VMP1: variants seen among roughly 807,000 people sequenced by gnomAD.
VMP1 encodes the protein ectopic P-granules autophagy protein 3 homolog.
In VMP1, 11 loss-of-function variants were observed where a neutral mutation model predicts 56.0. The observed-to-expected ratio is 0.20, with a 90% CI of 0.12 to 0.32. VMP1 has a LOEUF of 0.32. VMP1 is among the 10% of genes least tolerant of loss of function. The pLI is 1.00. For missense variants in VMP1, 296 were observed against 490.3 expected, an observed-to-expected ratio of 0.60 and a Z score of 3.74; for synonymous variants, 149 against 165.0, an observed-to-expected ratio of 0.90 and a Z score of 0.74.
intron 10 of VMP1, among the ~76,000 whole-genome samples, chr17:59,819,157 T>C (rs2038351775): frequency 6.6e-6 from 1 of 152,076 alleles, no homozygotes; most frequent in Admixed American, 6.5e-5. Flanking sequence ...TCAGTGTGGA[T>C]TATAACTTGT....
At chr17:59,779,365 C>CCTGG (rs2036740217) in intron 7 of VMP1, among the ~76,000 whole-genome samples, 1 of 152,212 alleles carries the variant, frequency 6.6e-6, no homozygotes, top group Non-Finnish European at 1.5e-5. Context: ...GAGAGACTTG[C>CCTGG]CTGGCTGTGC....
At chr17:59,801,091 A>AAAATATAT (rs1307645697) in intron 7 of VMP1, among the ~76,000 whole-genome samples, 7 of 109,326 alleles carry the variant, frequency 6.4e-5, no homozygotes, top group South Asian at 5.9e-4. Flanking sequence ...AAAAAAAAAA[A>AAAATATAT]ATATATATAT....
intron 2 of VMP1, 37 bp from the exon 3 acceptor site, chr17:59,735,301 G>C (rs760880623): frequency 6.2e-7 from 1 of 1,601,392 alleles, no homozygotes; most frequent in East Asian, 2.2e-5. Context: ...ATAAATGTTA[G>C]AAATTCTGTT....
chr17:59,735,449 T>A lies in VMP1; in HGVS notation c.188T>A (p.Val63Glu). 1 of 1,614,170 alleles carries A rather than the reference T, an allele frequency of 6.2e-7. No homozygotes were observed. Among genetic ancestry groups the A allele is most frequent in the Non-Finnish European group, 8.5e-7 (1 of 1,180,006 alleles). The stretch of plus-strand genomic sequence containing the variant: ...CAGTATTTTTCTCTGGAAATCCTTG[T>A]AATCTTGAAGGAATGGACCTCAAAG... ...TLQYFSLEIL[V>E]ILKEWTSKLW... The change falls in exon 3 of 12, where the codon GTA becomes GAA. Residue 63 changes from valine to glutamate, a missense_variant. By Grantham distance (121) the Val-to-Glu change is moderately radical. This residue lies in a region of VMP1 where 69 missense variants were observed against 76.6 expected (regional missense o/e 0.90). Transcript: ENST00000262291.
intron 6 of VMP1, 32 bp from the exon 7 acceptor site, chr17:59,773,722 C>T (rs775352306): frequency 6.4e-7 from 1 of 1,561,466 alleles, no homozygotes; most frequent in Non-Finnish European, 8.7e-7. Flanking sequence ...GATAACAGAA[C>T]CTCATTGTAA....
chr17:59,772,950 CTTT>C (rs1179269248), intron 6 of VMP1, among the ~76,000 whole-genome samples: 98 of 55,672 alleles, frequency 1.8e-3, no homozygotes, highest in Non-Finnish European at 2.3e-3. Flanking sequence ...CTGGTGAATT[CTTT>C]TTTTTTTTTT....
chr17:59,813,460 C>T (rs1023722003), intron 9 of VMP1, among the ~76,000 whole-genome samples: 1 of 151,876 alleles, frequency 6.6e-6, no homozygotes, highest in Non-Finnish European at 1.5e-5. Flanking sequence ...GCCTGTAATC[C>T]CAGCTACTCA....
At chr17:59,724,564 T>G (rs925508257) in intron 1 of VMP1, among the ~76,000 whole-genome samples, 8 of 151,874 alleles carry the variant, frequency 5.3e-5, no homozygotes, top group African/African-American at 1.9e-4. Context: ...CCCAGCTACT[T>G]GGGAGGCTGA....
chr17:59,733,273 C>T (rs2034902128), intron 2 of VMP1, among the ~76,000 whole-genome samples: 1 of 152,026 alleles, frequency 6.6e-6, no homozygotes, highest in Non-Finnish European at 1.5e-5. Context: ...CTCTTCTGTC[C>T]TCTATTGGTA....
chr17:59,781,294 A>G (rs1050722746), intron 7 of VMP1, among the ~76,000 whole-genome samples: 19 of 152,194 alleles, frequency 1.2e-4, no homozygotes, highest in African/African-American at 4.1e-4. Context: ...TTTAGTAATA[A>G]GATTCTTACA....
intron 9 of VMP1, among the ~76,000 whole-genome samples, chr17:59,817,029 GA>G (rs1186750844): frequency 3.3e-5 from 5 of 151,362 alleles, no homozygotes; most frequent in African/African-American, 1.2e-4. Flanking sequence ...AGCACTTTGG[GA>G]GGCTGAGGCA....
chr17:59,833,729 T>A (rs1325506153), intron 10 of VMP1, among the ~76,000 whole-genome samples: 1 of 152,192 alleles, frequency 6.6e-6, no homozygotes, highest in Non-Finnish European at 1.5e-5. Flanking sequence ...AAAATTATTA[T>A]GGGTACATAA....
intron 5 of VMP1, among the ~76,000 whole-genome samples, chr17:59,743,301 T>C (rs923583659): frequency 2.0e-5 from 3 of 152,198 alleles, no homozygotes; most frequent in Admixed American, 6.5e-5. Context: ...CTGATCTTTT[T>C]ACTGTTTCTA....
At chr17:59,709,659 C>G (rs536776169) in intron 1 of VMP1, among the ~76,000 whole-genome samples, 1 of 152,240 alleles carries the variant, frequency 6.6e-6, no homozygotes, top group African/African-American at 2.4e-5. Flanking sequence ...GATCTTTGCC[C>G]CACCTTTGAA....
chr17:59,807,089 G>C (rs1242068823), intron 7 of VMP1, among the ~76,000 whole-genome samples: 2 of 152,032 alleles, frequency 1.3e-5, no homozygotes, highest in Non-Finnish European at 2.9e-5. Flanking sequence ...GGGATACACA[G>C]ATTCTGTGCC....
intron 10 of VMP1, 72 bp from the exon 11 acceptor site, chr17:59,838,223 T>A: frequency 7.4e-7 from 1 of 1,355,332 alleles, no homozygotes; most frequent in Non-Finnish European, 1.0e-6. Flanking sequence ...GTAAGTACAT[T>A]TTCTTTAACG....
rs1307401884 is a variant in VMP1 at position 59,841,444 on chromosome 17, T to C, written c.*1533T>C. On this transcript the variant is annotated 3_prime_UTR_variant, in exon 12 of 12. Coordinates refer to ENST00000262291, the MANE Select transcript of VMP1 (RefSeq NM_030938.5). Reference sequence around the variant, plus strand: ...TCTGGTCCTTCTGTCTGGTGGCACTTAGAGTCTTTTGTGCCATAATGCAGC... The same window carrying C: ...TCTGGTCCTTCTGTCTGGTGGCACTCAGAGTCTTTTGTGCCATAATGCAGC... 3 of 335,824 alleles carry C rather than the reference T, an allele frequency of 8.9e-6. No individual in the cohort carries two copies. Among genetic ancestry groups the C allele is most frequent in the Admixed American group, 2.5e-5 (1 of 39,752 alleles). The allele number at this position is 335,824 out of a possible 1,614,324, so 20.8% of individuals were successfully genotyped here.
At chr17:59,734,424 G>A (rs1245110608) in intron 2 of VMP1, among the ~76,000 whole-genome samples, 1 of 152,102 alleles carries the variant, frequency 6.6e-6, no homozygotes, top group Non-Finnish European at 1.5e-5. Flanking sequence ...ATACTACTCA[G>A]AACAGCATAC....
chr17:59,799,152 C>T (rs890429247), intron 7 of VMP1, among the ~76,000 whole-genome samples: 1 of 152,100 alleles, frequency 6.6e-6, no homozygotes, highest in African/African-American at 2.4e-5. Flanking sequence ...GTTATGCCTG[C>T]ATTGATTTTG....
Sources: gnomAD v4.1 joint callset for allele counts (sites outside exome capture counted in the v4.1 genomes callset) on GRCh38, gnomAD v4.1.1 for gene constraint, gnomAD v4.1.1 regional missense constraint, MANE v1.5 for transcripts, NCBI Gene and HGNC (gene_info 2026-07-23, HGNC 2026-07-21) for gene names.